C10orf143: variants seen among roughly 807,000 people sequenced by gnomAD.
C10orf143 encodes chromosome 10 open reading frame 143, also known as uncharacterized protein C10orf143.
intron 3 of C10orf143, among the ~76,000 whole-genome samples, chr10:130,052,651 G>A (rs931723761): frequency 6.6e-6 from 1 of 152,142 alleles, no homozygotes; most frequent in East Asian, 1.9e-4. Flanking sequence ...AATCACAAAC[G>A]TAAGCTGCCT....
chr10:130,106,012 T>C, intron 1 of C10orf143: 4 of 459,664 alleles, frequency 8.7e-6, no homozygotes, highest in Non-Finnish European at 1.3e-5. Context: ...GTGGCCGGGG[T>C]TACTGCGGCG....
At chr10:130,064,708 G>A (rs975805210) in intron 3 of C10orf143, among the ~76,000 whole-genome samples, 3 of 152,168 alleles carry the variant, frequency 2.0e-5, no homozygotes, top group Non-Finnish European at 4.4e-5. Context: ...TTAAAAAAAT[G>A]TCTAAATATT....
intron 1 of C10orf143, chr10:130,106,445 T>C (rs779976399): frequency 6.2e-6 from 10 of 1,602,562 alleles, no homozygotes; most frequent in Middle Eastern, 3.3e-4. Flanking sequence ...CTGTGAAAAG[T>C]TGAACAGGTC....
intron 3 of C10orf143, among the ~76,000 whole-genome samples, chr10:130,054,638 A>G (rs1208388956): frequency 6.6e-6 from 1 of 152,340 alleles, no homozygotes; most frequent in Admixed American, 6.5e-5. Context: ...ATTCCTACCA[A>G]CAGTGGGTAT....
intron 1 of C10orf143, among the ~76,000 whole-genome samples, chr10:130,101,496 A>C (rs1209540673): frequency 6.6e-6 from 1 of 152,100 alleles, no homozygotes; most frequent in Non-Finnish European, 1.5e-5. Context: ...CAACATTTTT[A>C]TATTACTGAA....
At position 130,064,170 on chromosome 10, in the gene C10orf143, C is replaced by T. The variant is rs554050529; in HGVS notation, c.*184G>A. The T allele has an allele frequency of 8.7e-5, 34 of 390,802 alleles. No homozygotes were observed. Among genetic ancestry groups the T allele is most frequent in the South Asian group, 4.3e-4 (3 of 6,954 alleles). The allele number at this position is 390,802 out of a possible 1,614,324, so 24.2% of individuals were successfully genotyped here. On this transcript the variant is annotated 3_prime_UTR_variant, in exon 4 of 4. Coordinates refer to ENST00000637128, the MANE Select transcript of C10orf143 (RefSeq NM_001355042.2). The stretch of plus-strand genomic sequence containing the variant: ...AAGTGATGTGGATTCTCCTGGCTCT[C>T]GTGCAGAGGATGGTGGATTTACTAG...
chr10:130,062,902 C>G (rs1039992494), downstream of C10orf143, among the ~76,000 whole-genome samples: 1 of 152,116 alleles, frequency 6.6e-6, no homozygotes, highest in Non-Finnish European at 1.5e-5. Context: ...GGTGGAGGGG[C>G]TGTGTACCAG....
At position 130,096,965 on chromosome 10, in the gene C10orf143, A is replaced by AT. The variant is rs1156814625; in HGVS notation, c.69+13738dup. Among the ~76,000 whole-genome samples, 973 of 145,188 alleles carry AT rather than the reference A, an allele frequency of 6.7e-3. 5 individuals are homozygous for AT. The highest frequency in any genetic ancestry group is 0.019 in the African/African-American group (775 of 39,912). On this transcript the variant is annotated intron_variant, in intron 1 of 3. Transcript: ENST00000637128. ...TATATATATAAAATTTAATTTTTTA[A>AT]TTTTTTTTTTTTTGAGACAGAGTCT...
intron 3 of C10orf143, among the ~76,000 whole-genome samples, chr10:130,057,291 T>C (rs377304150): frequency 6.6e-6 from 1 of 152,146 alleles, no homozygotes; most frequent in African/African-American, 2.4e-5. Context: ...TTCACACTGT[T>C]GTACAACCAT....
downstream of C10orf143, among the ~76,000 whole-genome samples, chr10:130,063,057 A>G (rs1860873594): frequency 6.6e-6 from 1 of 151,940 alleles, no homozygotes; most frequent in Non-Finnish European, 1.5e-5. Context: ...GGTGGAGATG[A>G]GATGGGAACT....
chr10:130,078,829 T>C (rs1260741020), intron 3 of C10orf143, among the ~76,000 whole-genome samples: 3 of 152,110 alleles, frequency 2.0e-5, no homozygotes, highest in Admixed American at 6.5e-5. Context: ...TAAAGATCTT[T>C]AGGGGGCAAT....
chr10:130,044,448 C>G (rs1161811715), intron 3 of C10orf143, among the ~76,000 whole-genome samples: 1 of 152,196 alleles, frequency 6.6e-6, no homozygotes. Flanking sequence ...CCTTCCACAT[C>G]TACCTGCCAG....
chr10:130,089,418 C>T (rs1861345456), intron 1 of C10orf143, among the ~76,000 whole-genome samples: 1 of 152,096 alleles, frequency 6.6e-6, no homozygotes, highest in African/African-American at 2.4e-5. Context: ...CACAATAATC[C>T]TGTGACAATG....
intron 1 of C10orf143, chr10:130,108,486 G>T: frequency 1.4e-6 from 1 of 739,784 alleles, no homozygotes; most frequent in South Asian, 1.4e-5. Context: ...AAGTAATTCT[G>T]ACTGATCTCA....
At chr10:130,094,381 C>T (rs1381268273) in intron 1 of C10orf143, among the ~76,000 whole-genome samples, 1 of 152,144 alleles carries the variant, frequency 6.6e-6, no homozygotes, top group African/African-American at 2.4e-5. Context: ...TTTTATGAGG[C>T]CAGCATCATT....
downstream of C10orf143, among the ~76,000 whole-genome samples, chr10:130,061,878 G>T (rs1005619858): frequency 6.6e-6 from 1 of 152,154 alleles, no homozygotes; most frequent in African/African-American, 2.4e-5. Context: ...GCAGGAGGCG[G>T]GTTGGGCTGG....
At chr10:130,106,947 C>T (rs576248518) in intron 1 of C10orf143, 1 of 999,000 alleles carries the variant, frequency 1.0e-6, no homozygotes, top group Admixed American at 1.7e-5. Flanking sequence ...GAAGATGGTG[C>T]TTACTTAGAT....
chr10:130,050,633 C>G (rs1384557932), intron 3 of C10orf143, among the ~76,000 whole-genome samples: 1 of 152,106 alleles, frequency 6.6e-6, no homozygotes, highest in Non-Finnish European at 1.5e-5. Context: ...TTTAAAGAAA[C>G]TTGAACATCT....
At chr10:130,047,654 C>T (rs1477833313) in intron 3 of C10orf143, among the ~76,000 whole-genome samples, 1 of 152,336 alleles carries the variant, frequency 6.6e-6, no homozygotes, top group East Asian at 1.9e-4. Context: ...GGTCCACCTT[C>T]TCTTTCACTC....
Sources: gnomAD v4.1 joint callset for allele counts (sites outside exome capture counted in the v4.1 genomes callset) on GRCh38, gnomAD v4.1.1 for gene constraint, MANE v1.5 for transcripts, NCBI Gene and HGNC (gene_info 2026-07-23, HGNC 2026-07-21) for gene names.